Variants in KMT2C observed in about 807,000 individuals in gnomAD.
KMT2C encodes the protein lysine methyltransferase 2C, also known as histone-lysine N-methyltransferase 2C.
Under a neutral mutation model 507.9 loss-of-function variants are expected in KMT2C, and 88 were observed. That is an observed-to-expected ratio of 0.17 (90% CI 0.15 to 0.21). The LOEUF (loss-of-function observed/expected upper bound fraction) is 0.21, where lower values mean the gene tolerates loss of function less well. Ranked by LOEUF, KMT2C falls within the 10% of genes least tolerant of loss-of-function variation. The pLI, the probability that KMT2C is intolerant of heterozygous loss-of-function variation, is 1.00. For missense variants in KMT2C, 4,954 were observed against 5,957.8 expected (o/e 0.83, Z 5.55); for synonymous variants, 2,049 against 2,080.8 (o/e 0.98, Z 0.42).
Position 152,265,294 on chromosome 7 carries a change from T to C in KMT2C, c.1013-85A>G. The C allele has an allele frequency of 1.9e-6, 3 of 1,564,196 alleles. No individual in the cohort carries two copies. In the South Asian group the frequency reaches 3.4e-5, roughly 18 times the overall value. ...TACAGTAAAATCATTTGAAAGGATT[T>C]GCATCATGAACCTTTCAGACATTTG... On this transcript the variant is annotated intron_variant, in intron 7 of 58. Transcript: ENST00000262189.
chr7:152,335,399 GT>G (rs2096924692), intron 2 of KMT2C, among the ~76,000 whole-genome samples: 1 of 152,182 alleles, frequency 6.6e-6, no homozygotes, highest in African/African-American at 2.4e-5. Flanking sequence ...AGAAAAATAA[GT>G]GACAAACTTA....
chr7:152,138,934 T>G lies in KMT2C; in HGVS notation c.14535-30A>C. On this transcript the variant is annotated intron_variant, in intron 57 of 58. Transcript: ENST00000262189. The surrounding 1 kb of genome is among the most constrained non-coding windows in gnomAD (Gnocchi z 4.2). ...AAGCCACCATGTCAGAAAACTGTAT[T>G]GTAAAACAGCTAGAAGCAGCTTTAA... The G allele has an allele frequency of 6.6e-7, 1 of 1,520,770 alleles. No individual in the cohort carries two copies. Among genetic ancestry groups the G allele is most frequent in the Non-Finnish European group, 9.1e-7 (1 of 1,094,934 alleles). 94.2% of individuals were successfully genotyped at this position (1,520,770 alleles called of 1,614,324 possible).
intron 6 of KMT2C, among the ~76,000 whole-genome samples, chr7:152,297,059 G>GACAGAAAGAAAGAAAGAAAGAAAGAA (rs1563767704): frequency 1.7e-4 from 11 of 64,438 alleles, no homozygotes; most frequent in African/African-American, 5.2e-4. Context: ...GAAAGACAGA[G>GACAGAAAGAAAGAAAGAAAGAAAGAA]AGAGAGAGAG....
intron 1 of KMT2C, among the ~76,000 whole-genome samples, chr7:152,391,541 G>A (rs2097498207): frequency 9.0e-6 from 1 of 110,858 alleles, no homozygotes; most frequent in Admixed American, 8.6e-5. Context: ...TGCATGCCCG[G>A]CCTTTTTTTT....
At chr7:152,280,417 G>A (rs2096186266) in intron 6 of KMT2C, among the ~76,000 whole-genome samples, 1 of 152,258 alleles carries the variant, frequency 6.6e-6, no homozygotes, top group Admixed American at 6.5e-5. Flanking sequence ...CCGGCGTGGT[G>A]GCGCACGCCT....
At chr7:152,375,558 G>C (rs540780159) in intron 1 of KMT2C, among the ~76,000 whole-genome samples, 1 of 130,830 alleles carries the variant, frequency 7.6e-6, no homozygotes, top group South Asian at 2.5e-4. Context: ...GCTAATTTTT[G>C]TATTTTTAGT....
chr7:152,412,007 T>C (rs1031287589), intron 1 of KMT2C, among the ~76,000 whole-genome samples: 16 of 152,278 alleles, frequency 1.1e-4, no homozygotes, highest in African/African-American at 2.9e-4. Context: ...AGATCTTCAA[T>C]GTGTATCAAG....
intron 14 of KMT2C, among the ~76,000 whole-genome samples, chr7:152,245,111 G>A (rs1321783625): frequency 6.6e-6 from 1 of 152,126 alleles, no homozygotes; most frequent in Non-Finnish European, 1.5e-5. Flanking sequence ...TGAAAGATTT[G>A]TTGCAGCAAC....
chr7:152,160,280 G>A (rs1359737038), intron 43 of KMT2C, among the ~76,000 whole-genome samples: 1 of 152,118 alleles, frequency 6.6e-6, no homozygotes, highest in African/African-American at 2.4e-5. Flanking sequence ...GGGGTCTCCA[G>A]GGCGGCAGCA....
intron 23 of KMT2C, among the ~76,000 whole-genome samples, chr7:152,219,390 T>C (rs2129144933): frequency 6.6e-6 from 1 of 152,304 alleles, no homozygotes; most frequent in Non-Finnish European, 1.5e-5. Flanking sequence ...CAGAGAATTC[T>C]ACCTGCTTTG....
intron 24 of KMT2C, among the ~76,000 whole-genome samples, 165 bp downstream of exon 24, chr7:152,207,135 A>G (rs1408166748): frequency 6.6e-6 from 1 of 152,180 alleles, no homozygotes; most frequent in Non-Finnish European, 1.5e-5. Context: ...CTAGAGCTAA[A>G]AAGTCGTATT....
chr7:152,339,028 T>A (rs1401516398), intron 2 of KMT2C, among the ~76,000 whole-genome samples: 3 of 152,220 alleles, frequency 2.0e-5, no homozygotes, highest in African/African-American at 7.2e-5. Flanking sequence ...GGTTAAATAC[T>A]TCTTTGAAAG....
In KMT2C at chr7:152,182,529, T is replaced by C. The variant is rs1460281378; in HGVS notation, c.5331A>G (p.Lys1777=). 1.2e-6 allele frequency: 2 copies of C among 1,612,772 alleles called. No individual in the cohort carries two copies. Among genetic ancestry groups the C allele is most frequent in the African/African-American group, 1.3e-5 (1 of 74,902 alleles). Residue 1777 remains lysine (K), a synonymous_variant, in exon 36 of 59, where the codon AAA becomes AAG. Coordinates refer to ENST00000262189, the MANE Select transcript of KMT2C (RefSeq NM_170606.3). ...GTTGTTGCTGCTGCTGCTGCTCATT[T>C]TTCACCTGTTCAAGTTTCTGTGTGG... The part of the protein sequence containing the change: ...IEATQKLEQV[K]NEQQQQQQQQ...
intron 2 of KMT2C, among the ~76,000 whole-genome samples, chr7:152,337,903 C>G (rs572697047): frequency 6.6e-6 from 1 of 151,464 alleles, no homozygotes; most frequent in Admixed American, 6.6e-5. Flanking sequence ...GCCGCCCAGG[C>G]TGGAGTGCAG....
At chr7:152,372,198 C>CTA (rs2097298190) in intron 1 of KMT2C, among the ~76,000 whole-genome samples, 2 of 152,128 alleles carry the variant, frequency 1.3e-5, no homozygotes, top group African/African-American at 4.8e-5. Context: ...CTCTGTCGCC[C>CTA]AGACTGGACT....
intron 3 of KMT2C, among the ~76,000 whole-genome samples, chr7:152,318,897 G>A (rs1403542994): frequency 1.3e-5 from 2 of 152,128 alleles, no homozygotes; most frequent in Non-Finnish European, 1.5e-5. Context: ...CATATACTCA[G>A]ACCAACATGA....
At chr7:152,349,244 G>A (rs1389166474) in intron 2 of KMT2C, among the ~76,000 whole-genome samples, 5 of 152,050 alleles carry the variant, frequency 3.3e-5, no homozygotes, top group Admixed American at 1.3e-4. Flanking sequence ...TCAGGAGTTC[G>A]AGACCAGCCT....
At chr7:152,147,723 A>AAAAAAG (rs893257742) in intron 52 of KMT2C, among the ~76,000 whole-genome samples, 1,710 of 133,744 alleles carry the variant, frequency 0.013, 13 homozygotes, top group Non-Finnish European at 0.021. Flanking sequence ...AAAAAAAAAA[A>AAAAAAG]AAAAAGAAAA....
At chr7:152,304,248 T>C (rs2096595943) in intron 6 of KMT2C, among the ~76,000 whole-genome samples, 1 of 152,164 alleles carries the variant, frequency 6.6e-6, no homozygotes, top group Non-Finnish European at 1.5e-5. Flanking sequence ...TCCCCAAAAG[T>C]AAAATGATCT....
Sources: gnomAD v4.1 joint callset for allele counts (sites outside exome capture counted in the v4.1 genomes callset) on GRCh38, gnomAD v4.1.1 for gene constraint, Gnocchi (gnomAD v3.1) non-coding constraint, MANE v1.5 for transcripts, NCBI Gene and HGNC (gene_info 2026-07-23, HGNC 2026-07-21) for gene names.